Variants in OSBPL2 observed in about 807,000 individuals in gnomAD.
The protein encoded by OSBPL2 is oxysterol binding protein like 2, also known as oxysterol-binding protein-related protein 2.
OSBPL2 carries 18 observed loss-of-function variants against 58.4 expected under a neutral mutation model. That is an observed-to-expected ratio of 0.31 (90% CI 0.21 to 0.46). OSBPL2 has a LOEUF of 0.46. OSBPL2 is among the 20% of genes least tolerant of loss of function. The probability of loss-of-function intolerance (pLI) is 1.00; values close to 1 mark genes in which losing one functional copy is unlikely to be tolerated. For missense variants in OSBPL2, 461 were observed against 616.5 expected (o/e 0.75, Z 2.67); for synonymous variants, 221 against 234.1 (o/e 0.94, Z 0.51).
At position 62,294,790 on chromosome 20, in the gene OSBPL2, TA is replaced by T. The variant is rs1197307602; in HGVS notation, c.*907del. 6.6e-6 allele frequency: 1 copy of T among 152,214 alleles called. No homozygotes were observed. Among genetic ancestry groups the T allele is most frequent in the Non-Finnish European group, 1.5e-5 (1 of 68,050 alleles). 9.4% of individuals were successfully genotyped at this position (152,214 alleles called of 1,614,324 possible). A position where few individuals can be genotyped will look rare whatever the true frequency, so the allele number is the denominator to read the frequency against. ...TTCTGTTTTTCCCAGTATGCATGTTTAAAATAGAAGTGACAAGAATCACATC... is the reference window on the plus strand; with the variant it reads ...TTCTGTTTTTCCCAGTATGCATGTTTAAATAGAAGTGACAAGAATCACATC... On this transcript the variant is annotated 3_prime_UTR_variant, in exon 14 of 14. Coordinates refer to ENST00000313733, the MANE Select transcript of OSBPL2 (RefSeq NM_144498.4).
At chr20:62,293,443 G>A (rs941300075) in intron 13 of OSBPL2, among the ~76,000 whole-genome samples, 1 of 152,196 alleles carries the variant, frequency 6.6e-6, no homozygotes, top group East Asian at 1.9e-4. Flanking sequence ...CAGCACATGT[G>A]AACAGTGTAA....
In OSBPL2 at chr20:62,295,958, C is replaced by G. The variant is rs1983834430; in HGVS notation, c.*2071C>G. ...TTCAGGGGCTGGTTGGCTGCACAGA[C>G]AGCCCCTCTTCTGCTGTCCTTGAGG... On this transcript the variant is annotated 3_prime_UTR_variant, in exon 14 of 14. Coordinates refer to ENST00000313733, the MANE Select transcript of OSBPL2 (RefSeq NM_144498.4). The surrounding 1 kb of genome is among the most constrained non-coding windows in gnomAD (Gnocchi z 4.8). The G allele has an allele frequency of 6.6e-6, 1 of 152,226 alleles. No individual in the cohort carries two copies. Among genetic ancestry groups the G allele is most frequent in the South Asian group, 2.1e-4 (1 of 4,836 alleles). 9.4% of individuals were successfully genotyped at this position (152,226 alleles called of 1,614,324 possible). A position where few individuals can be genotyped will look rare whatever the true frequency, so the allele number is the denominator to read the frequency against.
chr20:62,279,208 C>A lies in OSBPL2; in HGVS notation c.543C>A (p.Pro181=), dbSNP rs139386621. 1.4e-5 allele frequency: 22 copies of A among 1,614,064 alleles called. No homozygotes were observed. Among genetic ancestry groups the A allele is most frequent in the African/African-American group, 1.2e-4 (9 of 74,936 alleles). Residue 181 remains proline (P), a synonymous_variant, in exon 7 of 14, where the codon CCC becomes CCA. Transcript: ENST00000313733. ...CGGAACAGGTCAGTCACCACCCCCCCATCAGTGCGTTCCACTCGGAAGGTC... is the reference window on the plus strand; with the variant it reads ...CGGAACAGGTCAGTCACCACCCCCCAATCAGTGCGTTCCACTCGGAAGGTC... ...FISEQVSHHP[P]ISAFHSEGLN...
chr20:62,253,123 T>C (rs1980678164), intron 1 of OSBPL2, among the ~76,000 whole-genome samples: 1 of 152,266 alleles, frequency 6.6e-6, no homozygotes, highest in African/African-American at 2.4e-5. Context: ...CAAGGCCGTC[T>C]CTCGGGGTTC....
At chr20:62,286,500 G>A (rs1176575100) in intron 10 of OSBPL2, 83 bp from the exon 11 acceptor site, 18 of 1,491,872 alleles carry the variant, frequency 1.2e-5, no homozygotes, top group Non-Finnish European at 1.6e-5. Flanking sequence ...TGACTGGTCT[G>A]AAAGGCGCTC....
At chr20:62,249,731 C>T (rs542332812) in intron 1 of OSBPL2, among the ~76,000 whole-genome samples, 4 of 152,304 alleles carry the variant, frequency 2.6e-5, no homozygotes, top group Admixed American at 1.3e-4. Flanking sequence ...TGGGCCACCA[C>T]GCCTGGCTAA....
intron 8 of OSBPL2, 120 bp from the exon 9 acceptor site, chr20:62,281,670 C>G (rs1228306262): frequency 4.4e-6 from 3 of 680,422 alleles, no homozygotes; most frequent in East Asian, 2.6e-5. Flanking sequence ...CCCACCACAC[C>G]CATTTGCAGT....
At chr20:62,276,659 C>T (rs1982402981) in intron 6 of OSBPL2, among the ~76,000 whole-genome samples, 1 of 152,172 alleles carries the variant, frequency 6.6e-6, no homozygotes, top group South Asian at 2.1e-4. Context: ...GTGGTGACAG[C>T]AGGGTCCAGC....
At chr20:62,244,473 T>C (rs573898818) in intron 1 of OSBPL2, among the ~76,000 whole-genome samples, 1 of 152,334 alleles carries the variant, frequency 6.6e-6, no homozygotes, top group East Asian at 1.9e-4. Flanking sequence ...CTGTGGGGCA[T>C]GCGCCCTGTC....
rs567427569 is a variant in OSBPL2 at position 62,250,847 on chromosome 20, T to C, written c.-128-5210T>C. On this transcript the variant is annotated intron_variant, in intron 1 of 13. Coordinates refer to ENST00000313733, the MANE Select transcript of OSBPL2 (RefSeq NM_144498.4). ...GGCGGGGGTGGAAGGATGGCTTGGG[T>C]GCTGGAGGTCAAGGCTGCAGTGAGC... 1.7e-3 allele frequency among the ~76,000 whole-genome samples: 255 copies of C among 152,128 alleles called. 1 individual carries two copies. Among genetic ancestry groups the C allele is most frequent in the African/African-American group, 5.9e-3 (245 of 41,490 alleles).
intron 12 of OSBPL2, 101 bp downstream of exon 12, chr20:62,289,431 A>G (rs951034005): frequency 3.6e-6 from 5 of 1,384,530 alleles, no homozygotes; most frequent in Non-Finnish European, 3.9e-6. Flanking sequence ...GCTCTCGCCT[A>G]CAAGGGGAGC....
At chr20:62,266,291 G>A (rs1256509840) in intron 4 of OSBPL2, among the ~76,000 whole-genome samples, 1 of 152,140 alleles carries the variant, frequency 6.6e-6, no homozygotes, top group Non-Finnish European at 1.5e-5. Flanking sequence ...GGGCCTTGTG[G>A]GGCAGCTCCA....
rs573106026 is a variant in OSBPL2 at position 62,278,811 on chromosome 20, G to A, written c.492-346G>A. 1,082 of 259,446 alleles carry A rather than the reference G, an allele frequency of 4.2e-3. 12 individuals are homozygous for A. Among genetic ancestry groups the A allele is most frequent in the African/African-American group, 0.024 (1,025 of 42,022 alleles). 16.1% of individuals were successfully genotyped at this position (259,446 alleles called of 1,614,324 possible). The stretch of plus-strand genomic sequence containing the variant: ...GTGTTGCCAACGTTAGGCCGAGTGC[G>A]ATATCGTGTTTGTGTGTGTGTCTGT... On this transcript the variant is annotated intron_variant, in intron 6 of 13. Transcript: ENST00000313733.
chr20:62,280,665 C>T (rs1982721723), intron 7 of OSBPL2, among the ~76,000 whole-genome samples: 1 of 152,198 alleles, frequency 6.6e-6, no homozygotes, highest in African/African-American at 2.4e-5. Context: ...GTTGAAAACC[C>T]TGCACCCCTC....
chr20:62,260,559 G>T (rs559156564), intron 3 of OSBPL2, among the ~76,000 whole-genome samples: 42 of 152,290 alleles, frequency 2.8e-4, no homozygotes, highest in African/African-American at 9.1e-4. Context: ...TTCTATTGCA[G>T]TGTGTTCAGC....
At chr20:62,251,350 G>A (rs1476679829) in intron 1 of OSBPL2, among the ~76,000 whole-genome samples, 4 of 150,090 alleles carry the variant, frequency 2.7e-5, no homozygotes, top group Admixed American at 2.7e-4. Flanking sequence ...GAGCCACCAC[G>A]CCCGGACAAT....
At chr20:62,260,907 T>A (rs1453533786) in intron 3 of OSBPL2, among the ~76,000 whole-genome samples, 1 of 152,082 alleles carries the variant, frequency 6.6e-6, no homozygotes, top group Non-Finnish European at 1.5e-5. Flanking sequence ...GGAGGATCCC[T>A]TGAGCCCAGA....
intron 6 of OSBPL2, among the ~76,000 whole-genome samples, chr20:62,276,833 T>C (rs553897519): frequency 6.6e-6 from 1 of 152,242 alleles, no homozygotes; most frequent in East Asian, 1.9e-4. Context: ...TTTCTAGATA[T>C]TTCTCTTGAG....
At chr20:62,265,769 C>CT (rs1981623815) in intron 4 of OSBPL2, among the ~76,000 whole-genome samples, 1 of 152,106 alleles carries the variant, frequency 6.6e-6, no homozygotes, top group African/African-American at 2.4e-5. Context: ...ACAAAAATAT[C>CT]TGTCTTGGTA....
Sources: allele counts gnomAD v4.1 joint callset (sites outside exome capture counted in the v4.1 genomes callset), GRCh38; gene constraint gnomAD v4.1.1; non-coding constraint Gnocchi (gnomAD v3.1); transcripts MANE v1.5; gene names NCBI Gene and HGNC (gene_info 2026-07-23, HGNC 2026-07-21).